Variants in PHKA1 observed in about 807,000 individuals in gnomAD.
PHKA1 encodes phosphorylase kinase regulatory subunit alpha 1.
A neutral mutation model predicts 110.2 loss-of-function variants in PHKA1; 60 were observed. The ratio of observed to expected loss-of-function variants is 0.54; its 90% CI spans 0.44 to 0.68. The LOEUF (loss-of-function observed/expected upper bound fraction) is 0.68, where lower values mean the gene tolerates loss of function less well. PHKA1 is among the 30% of genes least tolerant of loss of function. PHKA1 has a pLI of 0.00. For synonymous variants in PHKA1, 316 were observed against 333.6 expected (o/e 0.95, Z 0.58); for missense variants, 801 against 942.5 (o/e 0.85, Z 1.97).
intron 2 of PHKA1, among the ~76,000 whole-genome samples, chrX:72,710,847 TTTTTA>T (rs2054365524): frequency 5.8e-4 from 56 of 97,212 alleles, no homozygotes; most frequent in African/African-American, 1.8e-3. Flanking sequence ...TTTATTTTTT[TTTTTA>T]TTTTTATTTT....
intron 25 of PHKA1, among the ~76,000 whole-genome samples, chrX:72,605,005 G>A (rs1293120565): frequency 9.0e-6 from 1 of 111,401 alleles, no homozygotes; most frequent in Non-Finnish European, 1.9e-5. Flanking sequence ...GAGAAATGAA[G>A]TTAGCAACGA....
chrX:72,588,380 A>G (rs997966281), intron 29 of PHKA1, among the ~76,000 whole-genome samples: 1 of 112,217 alleles, frequency 8.9e-6, no homozygotes, highest in South Asian at 3.7e-4. Flanking sequence ...TTTGAAACCA[A>G]TGAGAACAAA....
In PHKA1 at chrX:72,620,803, C is replaced by G. The variant is rs781974863; in HGVS notation, c.2059G>C (p.Asp687His). ...LAPTSQKGGL[D>H]RFQAAVQTTC... ...GTTTGCACAGCAGCTTGGAACCGAT[C>G]TAGCCCTCCCTTCTGTGAGGTAGGG... is the stretch of plus-strand genomic sequence containing the variant. The change falls in exon 19 of 32, where the codon GAT (aspartate) becomes CAT (histidine). Residue 687 changes from aspartate to histidine, a missense_variant. Physicochemically the swap from Asp to His is moderately conservative, Grantham distance 81 (BLOSUM62 -1). This residue lies in a region of PHKA1 where 502 missense variants were observed against 519.2 expected (regional missense o/e 0.97). Coordinates refer to ENST00000373542, the MANE Select transcript of PHKA1 (RefSeq NM_002637.4). 3 of 1,210,463 alleles carry G rather than the reference C, an allele frequency of 2.5e-6. No individual in the cohort carries two copies. Among genetic ancestry groups the G allele is most frequent in the Non-Finnish European group, 3.4e-6 (3 of 895,027 alleles).
intron 10 of PHKA1, 56 bp downstream of exon 10, chrX:72,656,064 C>G (rs1468928487): frequency 1.7e-6 from 2 of 1,177,396 alleles, no homozygotes; most frequent in Non-Finnish European, 2.3e-6. Flanking sequence ...ATACTATTAG[C>G]TGTAAGAAGA....
Position 72,634,041 on chromosome X carries a change from T to C in PHKA1, c.1714+1114A>G, listed in dbSNP as rs782458675. Among the ~76,000 whole-genome samples, 35 of 111,986 alleles carry C rather than the reference T, an allele frequency of 3.1e-4. 1 individual carries two copies. Among genetic ancestry groups the C allele is most frequent in the African/African-American group, 1.0e-3 (31 of 30,846 alleles). On this transcript the variant is annotated intron_variant, in intron 16 of 31. Transcript: ENST00000373542. ...ATACTATCCATTCCAAAAAGCCTGG[T>C]TAAGTCCTACCTCAGTTGAGAAATT...
chrX:72,684,420 A>C, intron 5 of PHKA1, 78 bp downstream of exon 5: 1 of 664,530 alleles, frequency 1.5e-6, no homozygotes, highest in Non-Finnish European at 2.4e-6. Flanking sequence ...AGTAGCATTA[A>C]GAAAACAACT....
intron 6 of PHKA1, among the ~76,000 whole-genome samples, chrX:72,668,170 C>G: frequency 8.9e-6 from 1 of 112,076 alleles, no homozygotes; most frequent in East Asian, 2.8e-4. Context: ...ATAAACATCT[C>G]TTGCTAAATT....
intron 21 of PHKA1, 37 bp from the exon 22 acceptor site, chrX:72,611,221 T>C (rs782708116): frequency 9.1e-7 from 1 of 1,104,718 alleles, no homozygotes; most frequent in Admixed American, 2.2e-5. Context: ...CAGTTTTAAG[T>C]AAAGCTTCTG....
intron 5 of PHKA1, among the ~76,000 whole-genome samples, chrX:72,682,318 G>A (rs782648687): frequency 3.1e-4 from 32 of 103,127 alleles, no homozygotes; most frequent in Middle Eastern, 6.0e-3. Context: ...CCAGCCAGCC[G>A]CCCCGTCCGG....
chrX:72,657,538 G>C (rs782324590), intron 9 of PHKA1, 50 bp downstream of exon 9: 43 of 913,756 alleles, frequency 4.7e-5, no homozygotes, highest in Non-Finnish European at 6.5e-5. Flanking sequence ...GAGGCTGCAG[G>C]TAGAAGTGGC....
chrX:72,661,277 G>A lies in PHKA1; in HGVS notation c.865-3636C>T, dbSNP rs146506622. On this transcript the variant is annotated intron_variant, in intron 8 of 31. Transcript: ENST00000373542. ...AGAAATATTAAGTAATTGGCTTTAG[G>A]TTTTGTATTTTTTTCCCTGAGTTCC... Among the ~76,000 whole-genome samples the A allele has an allele frequency of 3.7e-3, 414 of 111,409 alleles. 1 individual carries two copies. Among genetic ancestry groups the A allele is most frequent in the African/African-American group, 0.013 (402 of 30,723 alleles).
At chrX:72,681,141 CAT>C (rs1556314667) in intron 5 of PHKA1, among the ~76,000 whole-genome samples, 3 of 87,251 alleles carry the variant, frequency 3.4e-5, no homozygotes, top group African/African-American at 1.2e-4. Flanking sequence ...CCCGGCCGCC[CAT>C]CGTCTGAGAT....
chrX:72,675,365 G>A (rs1185681986), intron 6 of PHKA1, among the ~76,000 whole-genome samples: 2 of 110,761 alleles, frequency 1.8e-5, no homozygotes, highest in Admixed American at 9.6e-5. Flanking sequence ...CTCATTTTAT[G>A]CTTGTCAGAC....
intron 6 of PHKA1, 76 bp from the exon 7 acceptor site, chrX:72,667,549 C>T: frequency 1.4e-6 from 1 of 697,101 alleles, no homozygotes; most frequent in Admixed American, 2.4e-5. Context: ...ATCCCAGTAT[C>T]TTATCAACAC....
chrX:72,621,417 G>A (rs187509849), intron 18 of PHKA1, among the ~76,000 whole-genome samples: 66 of 111,737 alleles, frequency 5.9e-4, no homozygotes, highest in African/African-American at 2.1e-3. Flanking sequence ...GTGGTGAAGA[G>A]GATGGATATG....
At chrX:72,609,811 C>T (rs781972450) in intron 22 of PHKA1, 108 bp from the exon 23 acceptor site, 28 of 562,389 alleles carry the variant, frequency 5.0e-5, no homozygotes, top group Non-Finnish European at 7.9e-5. Flanking sequence ...TAATGACACA[C>T]TGAACTCTCT....
chrX:72,648,368 A>G (rs782679227), intron 13 of PHKA1, among the ~76,000 whole-genome samples: 80 of 111,716 alleles, frequency 7.2e-4, no homozygotes, highest in Non-Finnish European at 1.1e-3. Context: ...AAAGATCAGA[A>G]TATTGTCAGG....
chrX:72,708,993 C>T (rs2054328879), intron 2 of PHKA1, among the ~76,000 whole-genome samples: 1 of 111,137 alleles, frequency 9.0e-6, no homozygotes, highest in South Asian at 3.8e-4. Context: ...GATGAGTTTC[C>T]ATTGTTTTGT....
In PHKA1 at chrX:72,605,607, A is replaced by C. The variant is rs782806706; in HGVS notation, c.2619T>G (p.Tyr873Ter). Reference sequence around the variant, plus strand: ...CATCTATCAGCTGAGTGAGCGCCTCATAGGGCAGAGGTCTAAGGAAAAAGA... The same window carrying C: ...CATCTATCAGCTGAGTGAGCGCCTCCTAGGGCAGAGGTCTAAGGAAAAAGA... ...REKTISAPLP[Y>*]EALTQLIDEA... Residue 873 changes from tyrosine (Y) to a stop codon, truncating the protein, a stop_gained, in exon 24 of 32, where the codon TAT becomes TAG. Coordinates refer to ENST00000373542, the MANE Select transcript of PHKA1 (RefSeq NM_002637.4). LOFTEE classifies it high-confidence loss of function. The C allele has an allele frequency of 8.3e-7, 1 of 1,201,185 alleles. No homozygotes were observed. The highest frequency in any genetic ancestry group is 3.0e-5 in the East Asian group (1 of 33,807).
Sources: allele counts gnomAD v4.1 joint callset (sites outside exome capture counted in the v4.1 genomes callset), GRCh38; gene constraint gnomAD v4.1.1; regional missense constraint gnomAD v4.1.1; transcripts MANE v1.5; gene names NCBI Gene and HGNC (gene_info 2026-07-23, HGNC 2026-07-21).